The following WAPL variants were observed in gnomAD, a reference collection of about 807,000 sequenced individuals.
WAPL encodes the protein wings apart-like protein homolog.
Under a neutral mutation model 121.0 loss-of-function variants are expected in WAPL, and 5 were observed. The ratio of observed to expected loss-of-function variants is 0.04; its 90% CI spans 0.02 to 0.09. The LOEUF is 0.09. WAPL is among the 10% of genes least tolerant of loss of function. The pLI, the probability that WAPL is intolerant of heterozygous loss-of-function variation, is 1.00. For synonymous variants in WAPL, 480 were observed against 481.5 expected (o/e 1.00, Z 0.04); for missense variants, 999 against 1,410.8 (o/e 0.71, Z 4.68).
At chr10:86,482,338 T>A (rs1273404536) in intron 4 of WAPL, among the ~76,000 whole-genome samples, 27 of 152,234 alleles carry the variant, frequency 1.8e-4, no homozygotes, top group Non-Finnish European at 2.9e-5. Flanking sequence ...ATCACTTATG[T>A]ACACAGGCAT....
rs140304220 is a variant in WAPL at position 86,451,854 on chromosome 10, G to T, written c.3114+113C>A. ...CTAAAAAGGCCGGGGGAGGGGCAGA[G>T]AGGGCCAGCAGTGGATGGGCAAGAA... On this transcript the variant is annotated intron_variant, in intron 15 of 18. Transcript: ENST00000298767. 2.2e-3 allele frequency: 2,596 copies of T among 1,185,028 alleles called. 38 individuals are homozygous for T. The African/African-American group carries it at 0.035, about 16-fold the overall frequency. The allele number at this position is 1,185,028 out of a possible 1,614,324, so 73.4% of individuals were successfully genotyped here. A position where few individuals can be genotyped will look rare whatever the true frequency, so the allele number is the denominator to read the frequency against.
chr10:86,514,538 T>C (rs552088743), intron 2 of WAPL, among the ~76,000 whole-genome samples: 1 of 152,314 alleles, frequency 6.6e-6, no homozygotes, highest in Admixed American at 6.5e-5. Flanking sequence ...TCTATTTACC[T>C]GTATTTTAGT....
chr10:86,509,635 T>C (rs969085360), intron 2 of WAPL, among the ~76,000 whole-genome samples: 5 of 152,156 alleles, frequency 3.3e-5, no homozygotes, highest in African/African-American at 4.8e-5. Flanking sequence ...GGCATCCCCG[T>C]AGACCTTCCT....
At chr10:86,453,412 G>T in intron 13 of WAPL, 77 bp from the exon 14 acceptor site, 1 of 1,440,806 alleles carries the variant, frequency 6.9e-7, no homozygotes. Flanking sequence ...TTATTAACAT[G>T]GATATTAACT....
intron 13 of WAPL, 98 bp from the exon 14 acceptor site, chr10:86,453,433 T>C: frequency 7.6e-7 from 1 of 1,318,090 alleles, no homozygotes; most frequent in Admixed American, 2.1e-5. Context: ...TAGAATTGTA[T>C]AGTCATTCCT....
chr10:86,442,855 C>T (rs1021883544), intron 17 of WAPL, among the ~76,000 whole-genome samples: 9 of 151,960 alleles, frequency 5.9e-5, no homozygotes, highest in Non-Finnish European at 1.3e-4. Flanking sequence ...CTGGCTAACA[C>T]GATGAATCCC....
chr10:86,458,866 T>A, intron 12 of WAPL, 123 bp downstream of exon 12: 1 of 687,952 alleles, frequency 1.5e-6, no homozygotes, highest in Non-Finnish European at 2.3e-6. Context: ...TGTGAACCAA[T>A]TCACAGAACT....
intron 5 of WAPL, among the ~76,000 whole-genome samples, chr10:86,473,564 A>G (rs1415082976): frequency 2.6e-5 from 4 of 152,212 alleles, no homozygotes; most frequent in African/African-American, 9.6e-5. Context: ...CTCTTATACA[A>G]ACATCAAATA....
At chr10:86,445,029 G>A (rs533598511) in intron 16 of WAPL, among the ~76,000 whole-genome samples, 9 of 152,042 alleles carry the variant, frequency 5.9e-5, no homozygotes, top group African/African-American at 7.2e-5. Context: ...GGCTCAGAAC[G>A]AGACGTTGCT....
intron 4 of WAPL, among the ~76,000 whole-genome samples, chr10:86,491,823 T>G (rs1460707924): frequency 1.3e-5 from 2 of 150,584 alleles, no homozygotes; most frequent in Non-Finnish European, 2.9e-5. Context: ...GATAACGTTT[T>G]AATACACACA....
chr10:86,438,444 T>C (rs1849381497), intron 17 of WAPL, among the ~76,000 whole-genome samples: 1 of 152,124 alleles, frequency 6.6e-6, no homozygotes, highest in African/African-American at 2.4e-5. Flanking sequence ...AGCAGAGACG[T>C]GGTTTCATCA....
intron 4 of WAPL, among the ~76,000 whole-genome samples, chr10:86,476,657 C>A (rs563273924): frequency 6.8e-6 from 1 of 147,958 alleles, no homozygotes; most frequent in Admixed American, 6.7e-5. Context: ...CCACTGCACT[C>A]CAGCCTGGGC....
chr10:86,469,430 T>G (rs1841483439), intron 8 of WAPL, among the ~76,000 whole-genome samples: 1 of 151,654 alleles, frequency 6.6e-6, no homozygotes, highest in African/African-American at 2.4e-5. Context: ...TTTTTTGCAT[T>G]TTTAGTAGAG....
intron 5 of WAPL, 37 bp downstream of exon 5, chr10:86,473,840 AT>A: frequency 6.7e-7 from 1 of 1,485,644 alleles, no homozygotes; most frequent in Non-Finnish European, 9.4e-7. Context: ...TTTATAGCTT[AT>A]TAAAAAACAC....
chr10:86,451,889 A>T lies in WAPL; in HGVS notation c.3114+78T>A, dbSNP rs527832494. On this transcript the variant is annotated intron_variant, in intron 15 of 18. Coordinates refer to ENST00000298767, the MANE Select transcript of WAPL (RefSeq NM_015045.5). ...AGTGGATGGGCAAGAAAAGGAGGTA[A>T]AAGGTGCAAATGATAAAAGAAATTG... The T allele has an allele frequency of 4.6e-6, 7 of 1,532,138 alleles. No individual in the cohort carries two copies. The East Asian group carries it at 1.6e-4, about 35-fold the overall frequency. The allele number at this position is 1,532,138 out of a possible 1,614,324, so 94.9% of individuals were successfully genotyped here. A position where few individuals can be genotyped will look rare whatever the true frequency, so the allele number is the denominator to read the frequency against.
In WAPL at chr10:86,499,903, T is replaced by G. The variant is rs754242011; in HGVS notation, c.1340A>C (p.Asn447Thr). Residue 447 changes from asparagine (N) to threonine (T), a missense_variant, in exon 3 of 19, where the codon AAT becomes ACT. Transcript: ENST00000298767. ...GGDEGGSGSS[N>T]YKIKYFGFDD... ...AAAGCCAAAATACTTAATTTTGTAA[T>G]TAGAACTTCCAGAACCTCCTTCATC... The G allele has an allele frequency of 1.1e-5, 17 of 1,614,040 alleles. No homozygotes were observed. Among genetic ancestry groups the G allele is most frequent in the African/African-American group, 2.7e-5 (2 of 74,926 alleles).
At position 86,436,265 on chromosome 10, in the gene WAPL, T is replaced by G. The variant is rs1849318322; in HGVS notation, c.*1278A>C. ...TCCCCAATACACACCAAACTAATAT[T>G]TTTATGGCTTCAAGTTTTACAAATC... On this transcript the variant is annotated 3_prime_UTR_variant, in exon 19 of 19. Transcript: ENST00000298767. The G allele has an allele frequency of 6.6e-6, 1 of 152,630 alleles. No individual in the cohort carries two copies. Among genetic ancestry groups the G allele is most frequent in the Non-Finnish European group, 1.5e-5 (1 of 68,038 alleles). The allele number at this position is 152,630 out of a possible 1,614,324, so 9.5% of individuals were successfully genotyped here.
intron 8 of WAPL, 58 bp from the exon 9 acceptor site, chr10:86,467,564 C>G: frequency 8.0e-7 from 1 of 1,247,184 alleles, no homozygotes; most frequent in Non-Finnish European, 1.1e-6. Flanking sequence ...CTCCTGACAT[C>G]TCAGGAAATA....
intron 10 of WAPL, among the ~76,000 whole-genome samples, chr10:86,460,894 G>A (rs531246411): frequency 3.9e-5 from 6 of 152,094 alleles, no homozygotes; most frequent in Non-Finnish European, 8.8e-5. Flanking sequence ...TGTATTTTTA[G>A]TAGAGACGGG....
Sources: gnomAD v4.1 joint callset for allele counts (sites outside exome capture counted in the v4.1 genomes callset) on GRCh38, gnomAD v4.1.1 for gene constraint, MANE v1.5 for transcripts, NCBI Gene and HGNC (gene_info 2026-07-23, HGNC 2026-07-21) for gene names.